ANO10: variants seen among roughly 807,000 people sequenced by gnomAD.
ANO10 encodes anoctamin-10.
Under a neutral mutation model 74.7 loss-of-function variants are expected in ANO10, and 77 were observed. That is an observed-to-expected ratio of 1.03 (90% confidence interval 0.86 to 1.25). The LOEUF (loss-of-function observed/expected upper bound fraction) is 1.25, where lower values mean the gene tolerates loss of function less well. Ranked by LOEUF, ANO10 falls within the 50% of genes most tolerant of loss-of-function variation. The pLI is 0.00. For synonymous variants in ANO10, 279 were observed against 284.9 expected (o/e 0.98, Z 0.21); for missense variants, 721 against 778.1 (o/e 0.93, Z 0.87).
chr3:43,408,104 G>C (rs1364451270), intron 12 of ANO10, among the ~76,000 whole-genome samples: 1 of 152,196 alleles, frequency 6.6e-6, no homozygotes, highest in Non-Finnish European at 1.5e-5. Flanking sequence ...AGGAAAGGAT[G>C]AGAGTGCATC....
At chr3:43,655,114 G>A (rs1238477638) in intron 1 of ANO10, among the ~76,000 whole-genome samples, 1 of 152,186 alleles carries the variant, frequency 6.6e-6, no homozygotes, top group Non-Finnish European at 1.5e-5. Context: ...AGTAAAACTA[G>A]AGGGAAATTT....
At chr3:43,379,909 G>A (rs573724039) in intron 12 of ANO10, among the ~76,000 whole-genome samples, 34 of 152,276 alleles carry the variant, frequency 2.2e-4, no homozygotes, top group African/African-American at 6.0e-4. Flanking sequence ...AGAGAAAGGC[G>A]AAGTCCAACT....
At chr3:43,395,586 GTACA>G (rs1419866243) in intron 12 of ANO10, among the ~76,000 whole-genome samples, 4 of 152,106 alleles carry the variant, frequency 2.6e-5, no homozygotes, top group Admixed American at 2.6e-4. Context: ...AAAATCAGTA[GTACA>G]TACATGTGTG....
At chr3:43,418,863 C>T (rs531145904) in intron 12 of ANO10, among the ~76,000 whole-genome samples, 15 of 152,354 alleles carry the variant, frequency 9.8e-5, no homozygotes, top group African/African-American at 3.1e-4. Flanking sequence ...AACTGGCCTA[C>T]AGCCTGTTCG....
intron 3 of ANO10, among the ~76,000 whole-genome samples, 199 bp downstream of exon 3, chr3:43,600,185 T>G (rs1306524093): frequency 6.6e-6 from 1 of 152,244 alleles, no homozygotes; most frequent in Non-Finnish European, 1.5e-5. Context: ...GCCCATTCAT[T>G]TACTTATGGT....
chr3:43,373,929 T>C (rs1437245158), intron 12 of ANO10, among the ~76,000 whole-genome samples: 1 of 152,252 alleles, frequency 6.6e-6, no homozygotes, highest in East Asian at 1.9e-4. Context: ...TCATCAGGGC[T>C]GCTCATCGCC....
intron 11 of ANO10, among the ~76,000 whole-genome samples, chr3:43,532,248 T>G (rs1247525114): frequency 6.6e-6 from 1 of 152,232 alleles, no homozygotes; most frequent in Non-Finnish European, 1.5e-5. Flanking sequence ...GCAAATGCTA[T>G]GCCTTCGCTT....
intron 1 of ANO10, among the ~76,000 whole-genome samples, chr3:43,620,210 T>C (rs1474377506): frequency 6.6e-6 from 1 of 152,130 alleles, no homozygotes; most frequent in Admixed American, 6.5e-5. Context: ...ACATGATGAA[T>C]GATTATACAA....
rs556023035 is a variant in ANO10 at position 43,525,093 on chromosome 3, C to T, written c.1797+24627G>A. ...AATGTGTTGAGGTCATCACCACAGC[C>T]ATACTCTTACCCCCCACCGACCAAT... On this transcript the variant is annotated intron_variant, in intron 11 of 12. Coordinates refer to ENST00000292246, the MANE Select transcript of ANO10 (RefSeq NM_018075.5). Among the ~76,000 whole-genome samples, 9 of 152,256 alleles carry T rather than the reference C, an allele frequency of 5.9e-5. No individual in the cohort carries two copies. In the East Asian group the frequency reaches 1.7e-3, roughly 29 times the overall value.
At chr3:43,412,001 A>G (rs1361310452) in intron 12 of ANO10, among the ~76,000 whole-genome samples, 2 of 148,258 alleles carry the variant, frequency 1.3e-5, no homozygotes, top group Non-Finnish European at 3.0e-5. Flanking sequence ...TAAAAAAAAC[A>G]TATTTATATA....
At chr3:43,468,983 T>A (rs2075743733) in intron 11 of ANO10, among the ~76,000 whole-genome samples, 1 of 150,122 alleles carries the variant, frequency 6.7e-6, no homozygotes. Context: ...GTACTGGGAT[T>A]ACAGGTGTGA....
At chr3:43,689,953 C>T (rs1047339322) in intron 1 of ANO10, among the ~76,000 whole-genome samples, 31 of 152,132 alleles carry the variant, frequency 2.0e-4, no homozygotes, top group African/African-American at 7.0e-4. Flanking sequence ...GGCAGAATTC[C>T]AAAAGCAGGT....
chr3:43,648,708 G>A (rs1387056542), intron 1 of ANO10, among the ~76,000 whole-genome samples: 2 of 145,332 alleles, frequency 1.4e-5, no homozygotes, highest in East Asian at 2.0e-4. Context: ...ATGGAGTCTG[G>A]CTCTGTCGCC....
rs562580329 is a variant in ANO10 at position 43,611,322 on chromosome 3, T to C, written c.-11-5459A>G. Among the ~76,000 whole-genome samples, 4 of 152,312 alleles carry C rather than the reference T, an allele frequency of 2.6e-5. No homozygotes were observed. The East Asian group carries it at 5.8e-4, about 22-fold the overall frequency. On this transcript the variant is annotated intron_variant, in intron 1 of 12. Transcript: ENST00000292246. Reference sequence around the variant, plus strand: ...GAGCCACCTACCAATCCAGAATACCTGCCTTGAACAGTTACATGAGTGAGA... The same window carrying C: ...GAGCCACCTACCAATCCAGAATACCCGCCTTGAACAGTTACATGAGTGAGA...
chr3:43,374,157 C>G (rs1575594199), intron 12 of ANO10, among the ~76,000 whole-genome samples: 1 of 152,200 alleles, frequency 6.6e-6, no homozygotes, highest in Admixed American at 6.5e-5. Context: ...CTAGGGTTCC[C>G]TGTGCCAGGT....
At chr3:43,673,639 T>C (rs1323639512) in intron 1 of ANO10, among the ~76,000 whole-genome samples, 1 of 152,158 alleles carries the variant, frequency 6.6e-6, no homozygotes, top group Non-Finnish European at 1.5e-5. Context: ...AAAATAAAAG[T>C]TTGAAGATCT....
At chr3:43,520,340 C>T (rs1389334454) in intron 11 of ANO10, among the ~76,000 whole-genome samples, 1 of 152,172 alleles carries the variant, frequency 6.6e-6, no homozygotes, top group Non-Finnish European at 1.5e-5. Context: ...GTACCAGAGG[C>T]TGGGAAGTCC....
intron 11 of ANO10, among the ~76,000 whole-genome samples, chr3:43,537,814 T>C (rs915669091): frequency 2.0e-5 from 3 of 152,116 alleles, no homozygotes; most frequent in South Asian, 4.1e-4. Flanking sequence ...AGGAGGAAAT[T>C]ATAGTAGTAG....
chr3:43,568,392 G>C (rs1423314851), intron 7 of ANO10, among the ~76,000 whole-genome samples: 1 of 152,112 alleles, frequency 6.6e-6, no homozygotes, highest in African/African-American at 2.4e-5. Flanking sequence ...ATTTTTATCA[G>C]CACCACACCA....
Sources: gnomAD v4.1 joint callset for allele counts (sites outside exome capture counted in the v4.1 genomes callset) on GRCh38, gnomAD v4.1.1 for gene constraint, MANE v1.5 for transcripts, NCBI Gene and HGNC (gene_info 2026-07-23, HGNC 2026-07-21) for gene names.